ASPRV1: variants seen among roughly 807,000 people sequenced by gnomAD.
ASPRV1 encodes the protein aspartic peptidase retroviral like 1, also known as retroviral-like aspartic protease 1.
Under a neutral mutation model 11.0 loss-of-function variants are expected in ASPRV1, and 7 were observed. The ratio of observed to expected loss-of-function variants is 0.64; its 90% CI spans 0.36 to 1.20. The LOEUF (loss-of-function observed/expected upper bound fraction) is 1.20. Ranked by LOEUF, ASPRV1 falls within the 50% of genes most tolerant of loss-of-function variation. The pLI is 0.02. For synonymous variants in ASPRV1, 136 were observed against 138.4 expected (o/e 0.98, Z 0.12); for missense variants, 299 against 320.0 (o/e 0.93, Z 0.50).
chr2:69,969,454 C>T, the ASPRV1 span, among the ~76,000 whole-genome samples: 4 of 152,162 alleles, frequency 2.6e-5, no homozygotes, highest in African/African-American at 7.2e-5. Context: ...GTCTTCTCTG[C>T]GCCTTTGGTT....
the ASPRV1 span, among the ~76,000 whole-genome samples, chr2:70,044,799 G>C: frequency 3.3e-5 from 5 of 152,158 alleles, no homozygotes; most frequent in Non-Finnish European, 5.9e-5. Context: ...CACTGCAGTA[G>C]TCACACAACA....
At chr2:70,015,991 A>G in the ASPRV1 span, 18 of 152,080 alleles carry the variant, frequency 1.2e-4, no homozygotes, top group African/African-American at 3.9e-4. Context: ...AGGAGACTTC[A>G]ATAGTCCACT....
At chr2:70,085,179 C>T in the ASPRV1 span, among the ~76,000 whole-genome samples, 1 of 152,160 alleles carries the variant, frequency 6.6e-6, no homozygotes, top group Non-Finnish European at 1.5e-5. Context: ...AAGAGTCAAG[C>T]CCATGGGGAG....
At chr2:69,948,336 G>A in the ASPRV1 span, among the ~76,000 whole-genome samples, 1 of 152,208 alleles carries the variant, frequency 6.6e-6, no homozygotes, top group South Asian at 2.1e-4. Flanking sequence ...GCAGAGACAG[G>A]TCACGGCAGG....
the ASPRV1 span, among the ~76,000 whole-genome samples, chr2:69,943,352 A>AGTT: frequency 6.6e-6 from 1 of 152,224 alleles, no homozygotes; most frequent in Admixed American, 6.5e-5. Flanking sequence ...TGTGGAATAA[A>AGTT]GTTGTGTGGG....
the ASPRV1 span, among the ~76,000 whole-genome samples, chr2:70,004,581 G>A: frequency 6.6e-6 from 1 of 151,118 alleles, no homozygotes; most frequent in Non-Finnish European, 1.5e-5. Flanking sequence ...CTAGTCAGTT[G>A]GTCTCATGGC....
chr2:69,989,682 G>A, the ASPRV1 span, among the ~76,000 whole-genome samples: 3 of 152,246 alleles, frequency 2.0e-5, no homozygotes, highest in Admixed American at 2.0e-4. Flanking sequence ...TCTGAGCCAC[G>A]TCATGGTTTC....
the ASPRV1 span, chr2:70,019,278 T>A: frequency 6.6e-6 from 1 of 152,134 alleles, no homozygotes; most frequent in Non-Finnish European, 1.5e-5. Context: ...TTGGCAAGGA[T>A]GTTGAGAAAA....
At chr2:70,079,190 CTT>C in the ASPRV1 span, among the ~76,000 whole-genome samples, 1 of 152,052 alleles carries the variant, frequency 6.6e-6, no homozygotes, top group Non-Finnish European at 1.5e-5. Flanking sequence ...GGATATAAGT[CTT>C]GAGTTCAGGG....
the ASPRV1 span, among the ~76,000 whole-genome samples, chr2:70,006,477 CT>C: frequency 1.3e-5 from 2 of 152,092 alleles, no homozygotes; most frequent in Non-Finnish European, 2.9e-5. Flanking sequence ...TGGGAGGTAC[CT>C]TCAAACTTAG....
the ASPRV1 span, among the ~76,000 whole-genome samples, chr2:69,966,639 G>T: frequency 1.1e-4 from 16 of 152,326 alleles, no homozygotes; most frequent in Admixed American, 5.2e-4. Context: ...CCAACTACAA[G>T]TGGGCTTCTA....
the ASPRV1 span, among the ~76,000 whole-genome samples, chr2:70,083,977 G>A: frequency 2.0e-5 from 3 of 152,036 alleles, no homozygotes; most frequent in Non-Finnish European, 4.4e-5. Context: ...CATCACCCAA[G>A]GTGTCTGTAT....
chr2:69,948,403 A>G, the ASPRV1 span, among the ~76,000 whole-genome samples: 2 of 152,236 alleles, frequency 1.3e-5, no homozygotes, highest in East Asian at 1.9e-4. Context: ...CTCAACGTCA[A>G]TACATCCATT....
At chr2:70,083,443 A>G in the ASPRV1 span, 2 of 152,238 alleles carry the variant, frequency 1.3e-5, no homozygotes, top group East Asian at 3.8e-4. Context: ...AGGAAGCAAC[A>G]ATCATTCCTC....
At chr2:70,060,807 ACT>A in the ASPRV1 span, among the ~76,000 whole-genome samples, 1 of 152,090 alleles carries the variant, frequency 6.6e-6, no homozygotes, top group Admixed American at 6.5e-5. Context: ...CAAGAGCGAA[ACT>A]CTGTCTCAAT....
Position 69,960,241 on chromosome 2 carries a change from C to A in ASPRV1, c.*416G>T, listed in dbSNP as rs1031927558. The A allele has an allele frequency of 2.2e-5, 4 of 180,888 alleles. No individual in the cohort carries two copies. The highest frequency in any genetic ancestry group is 5.4e-5 in the Admixed American group (1 of 18,534). 11.2% of individuals were successfully genotyped at this position (180,888 alleles called of 1,614,324 possible). On this transcript the variant is annotated 3_prime_UTR_variant, in exon 1 of 1. Coordinates refer to ENST00000320256, the MANE Select transcript of ASPRV1 (RefSeq NM_152792.4). ...TGTCCCAGAGCAACTGTGACCCTCA[C>A]AAAGACCCTGCAGCTAGGACCCAGC...
the ASPRV1 span, among the ~76,000 whole-genome samples, chr2:69,947,000 G>T: frequency 2.5e-4 from 38 of 152,318 alleles, no homozygotes; most frequent in African/African-American, 8.9e-4. Context: ...CTCATCAGAA[G>T]AGGCCAAATG....
rs752169179 is a variant in ASPRV1 at position 69,960,587 on chromosome 2, G to T, written c.*70C>A. On this transcript the variant is annotated 3_prime_UTR_variant, in exon 1 of 1. Transcript: ENST00000320256. ...GGCCAAGCCCAGTGACCCCCATGAG[G>T]ATATGCAACCCCCCCCACAGCGGTG... 18 of 1,480,046 alleles carry T rather than the reference G, an allele frequency of 1.2e-5. No individual in the cohort carries two copies. Among genetic ancestry groups the T allele is most frequent in the Non-Finnish European group, 1.5e-5 (16 of 1,096,542 alleles). 91.7% of individuals were successfully genotyped at this position (1,480,046 alleles called of 1,614,324 possible).
At chr2:70,078,994 TTGGA>T in the ASPRV1 span, among the ~76,000 whole-genome samples, 1 of 152,120 alleles carries the variant, frequency 6.6e-6, no homozygotes, top group Non-Finnish European at 1.5e-5. Flanking sequence ...TGCTGGTGGA[TTGGA>T]TGAAGAGAAT....
Sources: gnomAD v4.1 joint callset for allele counts (sites outside exome capture counted in the v4.1 genomes callset) on GRCh38, gnomAD v4.1.1 for gene constraint, MANE v1.5 for transcripts, NCBI Gene and HGNC (gene_info 2026-07-23, HGNC 2026-07-21) for gene names.